The following SGCZ variants were observed in gnomAD, a reference collection of about 807,000 sequenced individuals.
SGCZ encodes zeta-sarcoglycan.
Under a neutral mutation model 41.3 loss-of-function variants are expected in SGCZ, and 40 were observed. The observed-to-expected ratio is 0.97, with a 90% confidence interval of 0.75 to 1.26. SGCZ has a LOEUF of 1.26. SGCZ is among the 50% of genes most tolerant of loss of function. The probability of loss-of-function intolerance (pLI) is 0.00; values close to 1 mark genes in which losing one functional copy is unlikely to be tolerated. For missense variants in SGCZ, 552 were observed against 369.8 expected, an observed-to-expected ratio of 1.49 and a Z score of -4.04; for synonymous variants, 206 against 137.5, an observed-to-expected ratio of 1.50 and a Z score of -3.49.
chr8:14,200,141 T>C (rs896366930), intron 4 of SGCZ, among the ~76,000 whole-genome samples: 17 of 152,172 alleles, frequency 1.1e-4, no homozygotes, highest in Admixed American at 6.6e-4. Context: ...ATTACTTCAG[T>C]TTAAATGAAA....
At chr8:14,861,445 G>C (rs950276320) in intron 1 of SGCZ, among the ~76,000 whole-genome samples, 11 of 152,006 alleles carry the variant, frequency 7.2e-5, no homozygotes, top group African/African-American at 2.7e-4. Flanking sequence ...ATATGTATGA[G>C]CTACAAAATA....
At chr8:14,157,544 C>T (rs760593982) in intron 5 of SGCZ, among the ~76,000 whole-genome samples, 18 of 150,392 alleles carry the variant, frequency 1.2e-4, no homozygotes, top group Non-Finnish European at 2.1e-4. Flanking sequence ...TTTTAAATAA[C>T]ATTACTGTTA....
rs564594807 is a variant in SGCZ, at chr8:14,158,902, G to T, written c.547+5678C>A. Among the ~76,000 whole-genome samples the T allele has an allele frequency of 5.3e-5, 8 of 152,048 alleles. 1 individual carries two copies. In the South Asian group the frequency reaches 1.0e-3, roughly 20 times the overall value. On this transcript the variant is annotated intron_variant, in intron 5 of 7. Transcript: ENST00000382080. ...TCCTGCCTCAGCCTCTCGAGTAGCTGGGACTACAGGTGCCCACCAGCACAC... is the reference window on the plus strand; with the variant it reads ...TCCTGCCTCAGCCTCTCGAGTAGCTTGGACTACAGGTGCCCACCAGCACAC...
chr8:15,226,630 T>A (rs1020424536), intron 1 of SGCZ, among the ~76,000 whole-genome samples: 1 of 152,166 alleles, frequency 6.6e-6, no homozygotes, highest in Non-Finnish European at 1.5e-5. Context: ...TCCCAACTTA[T>A]TCTAAAATGA....
intron 4 of SGCZ, among the ~76,000 whole-genome samples, chr8:14,180,883 C>T (rs75195675): frequency 0.01 from 1,579 of 151,764 alleles, 33 homozygotes; most frequent in African/African-American, 0.035. Context: ...ATTGGTTTTA[C>T]GGCAGTGGGG....
intron 1 of SGCZ, among the ~76,000 whole-genome samples, chr8:14,983,953 A>G (rs949096647): frequency 1.3e-5 from 2 of 152,202 alleles, no homozygotes; most frequent in Non-Finnish European, 2.9e-5. Flanking sequence ...GTTTCAACCA[A>G]TACTCGCTTT....
chr8:14,574,987 G>C (rs933917230), intron 1 of SGCZ, among the ~76,000 whole-genome samples: 15 of 152,092 alleles, frequency 9.9e-5, no homozygotes, highest in African/African-American at 3.4e-4. Context: ...CATTAAAAGA[G>C]GATGGTTTGT....
chr8:14,826,308 C>T (rs1802313495), intron 1 of SGCZ, among the ~76,000 whole-genome samples: 2 of 152,014 alleles, frequency 1.3e-5, no homozygotes, highest in African/African-American at 2.4e-5. Context: ...GTATATGTGC[C>T]ACATTTTCTT....
chr8:14,787,295 T>C (rs1800799135), intron 1 of SGCZ, among the ~76,000 whole-genome samples: 1 of 151,870 alleles, frequency 6.6e-6, no homozygotes, highest in Admixed American at 6.6e-5. Flanking sequence ...TAACTTAGAG[T>C]TGTGCAAACC....
chr8:14,247,836 A>C (rs565426978), intron 3 of SGCZ, among the ~76,000 whole-genome samples: 1 of 152,332 alleles, frequency 6.6e-6, no homozygotes, highest in South Asian at 2.1e-4. Context: ...ATTGAGGTAC[A>C]CCTCAATTGA....
chr8:14,490,888 C>T (rs1010383846), intron 2 of SGCZ, among the ~76,000 whole-genome samples: 1 of 152,146 alleles, frequency 6.6e-6, no homozygotes, highest in Admixed American at 6.5e-5. Flanking sequence ...TCATATATTG[C>T]TGTTTCAGGA....
At chr8:14,590,538 T>G (rs1015098479) in intron 1 of SGCZ, among the ~76,000 whole-genome samples, 3 of 151,002 alleles carry the variant, frequency 2.0e-5, no homozygotes, top group African/African-American at 7.3e-5. Context: ...ATTTAATCTA[T>G]TATTTCTTCT....
chr8:15,212,051 G>A lies in SGCZ; in HGVS notation c.39+25534C>T, dbSNP rs556852704. Reference sequence around the variant, plus strand: ...GTCAAGTTGCTCACAATACTCAGACGTTCGTGAATAGAAAAGATGCAAAAA... The same window carrying A: ...GTCAAGTTGCTCACAATACTCAGACATTCGTGAATAGAAAAGATGCAAAAA... On this transcript the variant is annotated intron_variant, in intron 1 of 7. Coordinates refer to ENST00000382080, the MANE Select transcript of SGCZ (RefSeq NM_139167.4). 1.9e-3 allele frequency among the ~76,000 whole-genome samples: 289 copies of A among 151,670 alleles called. 1 individual carries two copies. The highest frequency in any genetic ancestry group is 6.8e-3 in the African/African-American group (280 of 41,448).
At chr8:14,975,809 A>ATGTGTGTG (rs66667974) in intron 1 of SGCZ, among the ~76,000 whole-genome samples, 38 of 131,898 alleles carry the variant, frequency 2.9e-4, no homozygotes, top group African/African-American at 1.2e-3. Flanking sequence ...ATATATATAT[A>ATGTGTGTG]TGTGTGTGTG....
At chr8:15,082,296 G>T (rs1805782820) in intron 1 of SGCZ, among the ~76,000 whole-genome samples, 1 of 152,176 alleles carries the variant, frequency 6.6e-6, no homozygotes, top group South Asian at 2.1e-4. Flanking sequence ...TAGAGACAAA[G>T]TAGTTTAGTT....
chr8:14,949,149 A>AG (rs1800548487), intron 1 of SGCZ, among the ~76,000 whole-genome samples: 1 of 152,178 alleles, frequency 6.6e-6, no homozygotes, highest in African/African-American at 2.4e-5. Flanking sequence ...AGATAATTAA[A>AG]ATAGCAGTAT....
In SGCZ at chr8:14,683,909, A is replaced by T. The variant is rs142353335; in HGVS notation, c.40-128983T>A. Among the ~76,000 whole-genome samples the T allele has an allele frequency of 1.6e-3, 250 of 152,262 alleles. 3 individuals carry two copies. The South Asian group carries it at 0.02, about 12-fold the overall frequency. On this transcript the variant is annotated intron_variant, in intron 1 of 7. Coordinates refer to ENST00000382080, the MANE Select transcript of SGCZ (RefSeq NM_139167.4). ...TACCATCAACTATAGAATTTCATCA[A>T]TCTTAAGATGCATGATTTTTCACAT...
chr8:15,047,610 G>C (rs1222916815), intron 1 of SGCZ, among the ~76,000 whole-genome samples: 2 of 151,946 alleles, frequency 1.3e-5, no homozygotes, highest in East Asian at 3.9e-4. Context: ...GGGATCTCAG[G>C]AGTGTTTATG....
intron 1 of SGCZ, among the ~76,000 whole-genome samples, chr8:15,148,708 C>A (rs1332166225): frequency 6.6e-6 from 1 of 152,154 alleles, no homozygotes; most frequent in Non-Finnish European, 1.5e-5. Flanking sequence ...GACACTGATA[C>A]GAGTTCTCCA....
Sources: gnomAD v4.1 joint callset for allele counts (sites outside exome capture counted in the v4.1 genomes callset) on GRCh38, gnomAD v4.1.1 for gene constraint, MANE v1.5 for transcripts, NCBI Gene and HGNC (gene_info 2026-07-23, HGNC 2026-07-21) for gene names.